HYAL4: variants seen among roughly 807,000 people sequenced by gnomAD.
HYAL4 encodes hyaluronidase 4, also known as hyaluronidase-4.
In HYAL4, 37 loss-of-function variants were observed where a neutral mutation model predicts 35.2. The ratio of observed to expected loss-of-function variants is 1.05; its 90% CI spans 0.81 to 1.38. The LOEUF is 1.38. Among genes scored for constraint, HYAL4 ranks in the 40% most tolerant of loss-of-function variants. HYAL4 has a pLI of 0.00. For missense variants in HYAL4, 572 were observed against 572.4 expected (o/e 1.00, Z 0.01); for synonymous variants, 198 against 203.2 (o/e 0.97, Z 0.22).
chr7:123,811,311 A>G, the HYAL4 span, among the ~76,000 whole-genome samples: 1 of 152,228 alleles, frequency 6.6e-6, no homozygotes, highest in Admixed American at 6.5e-5. Context: ...CCAATTGGCA[A>G]TGTATGAGAG....
the HYAL4 span, among the ~76,000 whole-genome samples, chr7:123,821,373 T>TTGTG: frequency 6.6e-6 from 1 of 152,196 alleles, no homozygotes; most frequent in Admixed American, 6.5e-5. Context: ...TGATAGCTCA[T>TTGTG]TGTTTTGATT....
the HYAL4 span, among the ~76,000 whole-genome samples, chr7:123,818,985 G>A: frequency 1.3e-5 from 2 of 152,044 alleles, no homozygotes; most frequent in African/African-American, 4.8e-5. Flanking sequence ...AATACAATAT[G>A]TTGTCATTAC....
chr7:123,832,760 C>A (rs910586398), intron 1 of HYAL4, among the ~76,000 whole-genome samples: 1 of 151,946 alleles, frequency 6.6e-6, no homozygotes, highest in South Asian at 2.1e-4. Flanking sequence ...TTCGGCCCCC[C>A]AGGCGTGAGC....
At chr7:123,827,957 C>T (rs1044659727), upstream of HYAL4, among the ~76,000 whole-genome samples, 40 of 152,276 alleles carry the variant, frequency 2.6e-4, no homozygotes, top group African/African-American at 8.9e-4. Context: ...TCAAGGCAGA[C>T]ATTTATCAAG....
the HYAL4 span, among the ~76,000 whole-genome samples, chr7:123,782,618 G>A: frequency 1.6e-4 from 24 of 151,976 alleles, no homozygotes; most frequent in African/African-American, 4.6e-4. Context: ...TTATTAACTA[G>A]CTCTCCCTTT....
At chr7:123,775,300 A>G in the HYAL4 span, among the ~76,000 whole-genome samples, 6 of 152,102 alleles carry the variant, frequency 3.9e-5, no homozygotes, top group African/African-American at 1.4e-4. Flanking sequence ...ATGGTGGCAC[A>G]TGCCTATAGT....
chr7:123,770,439 C>A, the HYAL4 span, among the ~76,000 whole-genome samples: 1 of 122,746 alleles, frequency 8.1e-6, no homozygotes, highest in Non-Finnish European at 1.8e-5. Context: ...GAGACTCCAT[C>A]TAAAAAAAAA....
chr7:123,804,527 A>G, the HYAL4 span, among the ~76,000 whole-genome samples: 2 of 151,990 alleles, frequency 1.3e-5, no homozygotes, highest in African/African-American at 4.8e-5. Context: ...TAATTTTGTA[A>G]CAGCTAATTT....
intron 2 of HYAL4, among the ~76,000 whole-genome samples, chr7:123,865,504 G>T (rs940880112): frequency 6.6e-6 from 1 of 151,972 alleles, no homozygotes; most frequent in Non-Finnish European, 1.5e-5. Context: ...TACTAAGTGG[G>T]GTAATCTTAT....
At chr7:123,867,025 G>A (rs1806707267) in intron 2 of HYAL4, among the ~76,000 whole-genome samples, 1 of 152,084 alleles carries the variant, frequency 6.6e-6, no homozygotes. Context: ...TCTTGACCTT[G>A]TGACCATCTC....
At chr7:123,852,740 G>A (rs1361105874) in intron 2 of HYAL4, among the ~76,000 whole-genome samples, 1 of 152,092 alleles carries the variant, frequency 6.6e-6, no homozygotes, top group Non-Finnish European at 1.5e-5. Flanking sequence ...GGTTCCATAT[G>A]AAATTTAAAG....
At chr7:123,807,432 G>GTTTTTTTTT in the HYAL4 span, among the ~76,000 whole-genome samples, 498 of 120,758 alleles carry the variant, frequency 4.1e-3, 10 homozygotes, top group Non-Finnish European at 5.6e-3. Flanking sequence ...ACTTTTTATG[G>GTTTTTTTTT]TTTTTTTTTT....
the HYAL4 span, among the ~76,000 whole-genome samples, chr7:123,820,603 C>T: frequency 6.6e-6 from 1 of 150,780 alleles, no homozygotes; most frequent in African/African-American, 2.4e-5. Flanking sequence ...AAAAAAATTA[C>T]CAATCCCCCT....
chr7:123,811,873 A>C, the HYAL4 span, among the ~76,000 whole-genome samples: 2 of 151,552 alleles, frequency 1.3e-5, no homozygotes, highest in Non-Finnish European at 2.9e-5. Flanking sequence ...AGGGAGTCTC[A>C]CTCTGTCACC....
the HYAL4 span, among the ~76,000 whole-genome samples, chr7:123,787,929 C>T: frequency 1.3e-5 from 2 of 152,120 alleles, no homozygotes; most frequent in Non-Finnish European, 2.9e-5. Context: ...TGTGCCCATC[C>T]CCTCTCAATA....
intron 2 of HYAL4, among the ~76,000 whole-genome samples, chr7:123,867,293 A>G (rs758597385): frequency 1.3e-5 from 2 of 152,328 alleles, no homozygotes; most frequent in South Asian, 4.1e-4. Context: ...TTTGGGGTCT[A>G]TAAAGTAGGG....
At chr7:123,808,110 C>G in the HYAL4 span, among the ~76,000 whole-genome samples, 3 of 151,676 alleles carry the variant, frequency 2.0e-5, no homozygotes, top group Non-Finnish European at 4.4e-5. Flanking sequence ...ACAAGACCCT[C>G]CATAAAAGAA....
chr7:123,839,653 C>G (rs1258347177), intron 1 of HYAL4, among the ~76,000 whole-genome samples: 1 of 152,136 alleles, frequency 6.6e-6, no homozygotes, highest in Non-Finnish European at 1.5e-5. Flanking sequence ...TCTGTTGTTT[C>G]CTGACTTTTT....
At chr7:123,847,097 G>T (rs183536789) in intron 1 of HYAL4, among the ~76,000 whole-genome samples, 2 of 152,144 alleles carry the variant, frequency 1.3e-5, no homozygotes, top group Admixed American at 1.3e-4. Flanking sequence ...AGTTCACAAC[G>T]TGAGTCTCCA....
Sources: allele counts gnomAD v4.1 joint callset (sites outside exome capture counted in the v4.1 genomes callset), GRCh38; gene constraint gnomAD v4.1.1; transcripts MANE v1.5; gene names NCBI Gene and HGNC (gene_info 2026-07-23, HGNC 2026-07-21).